ZFYVE26: variants seen among roughly 807,000 people sequenced by gnomAD.
The protein encoded by ZFYVE26 is zinc finger FYVE-type containing 26, also known as zinc finger FYVE domain-containing protein 26.
ZFYVE26 carries 181 observed loss-of-function variants against 276.5 expected under a neutral mutation model. That is an observed-to-expected ratio of 0.65 (90% CI 0.58 to 0.74). The LOEUF (loss-of-function observed/expected upper bound fraction) is 0.74. ZFYVE26 is among the 30% of genes least tolerant of loss of function. The pLI is 0.00. For synonymous variants in ZFYVE26, 1,129 were observed against 1,203.1 expected (o/e 0.94, Z 1.27); for missense variants, 2,821 against 3,097.9 (o/e 0.91, Z 2.12).
rs561021524 is a variant in ZFYVE26 at position 67,746,855 on chromosome 14, G to A, written c.*1581C>T. 3 of 152,760 alleles carry A rather than the reference G, an allele frequency of 2.0e-5. No homozygotes were observed. In the East Asian group the frequency reaches 5.8e-4, roughly 29 times the overall value. 9.5% of individuals were successfully genotyped at this position (152,760 alleles called of 1,614,324 possible). A position where few individuals can be genotyped will look rare whatever the true frequency, so the allele number is the denominator to read the frequency against. Reference sequence around the variant, plus strand: ...AGGACATTTCCTGGGAGATGGATACGTTCTATGACTCAAGGAAGGAAAAGC... The same window carrying A: ...AGGACATTTCCTGGGAGATGGATACATTCTATGACTCAAGGAAGGAAAAGC... On this transcript the variant is annotated 3_prime_UTR_variant, in exon 42 of 42. Transcript: ENST00000347230.
At chr14:67,756,227 T>C (rs2038777083) in intron 35 of ZFYVE26, 82 bp from the exon 36 acceptor site, 7 of 1,404,312 alleles carry the variant, frequency 5.0e-6, no homozygotes, top group Non-Finnish European at 5.0e-6. Context: ...TTTCCTTCTA[T>C]TGATGAACCT....
intron 18 of ZFYVE26, 54 bp downstream of exon 18, chr14:67,785,804 T>C (rs1404792574): frequency 1.2e-6 from 2 of 1,612,042 alleles, no homozygotes; most frequent in Non-Finnish European, 1.7e-6. Context: ...TACTCTCAGC[T>C]GTTTCCTCTC....
At chr14:67,771,293 C>A (rs766037925) in intron 28 of ZFYVE26, among the ~76,000 whole-genome samples, 4 of 152,200 alleles carry the variant, frequency 2.6e-5, no homozygotes, top group East Asian at 1.9e-4. Context: ...CATGTTCCTG[C>A]AAAAGATATG....
At chr14:67,769,556 G>C (rs964525741) in intron 29 of ZFYVE26, 38 bp downstream of exon 29, 4 of 1,613,464 alleles carry the variant, frequency 2.5e-6, no homozygotes, top group Non-Finnish European at 2.5e-6. Flanking sequence ...AGGGTGCAGC[G>C]GTCAATAATA....
chr14:67,743,894 T>A (rs190253317), downstream of ZFYVE26, among the ~76,000 whole-genome samples: 157 of 151,906 alleles, frequency 1.0e-3, no homozygotes, highest in African/African-American at 3.6e-3. Flanking sequence ...AGGGAAGAGG[T>A]TTGACAATGG....
intron 9 of ZFYVE26, among the ~76,000 whole-genome samples, chr14:67,803,342 A>G (rs796546932): frequency 1.4e-4 from 22 of 152,220 alleles, no homozygotes; most frequent in African/African-American, 5.3e-4. Flanking sequence ...CGTTTCAGAC[A>G]AGTCTTCTTC....
intron 10 of ZFYVE26, chr14:67,798,855 C>G (rs1206547809): frequency 3.4e-6 from 3 of 869,932 alleles, no homozygotes; most frequent in Non-Finnish European, 5.2e-6. Flanking sequence ...GGTCCCGCCC[C>G]GAGGCCAACC....
At chr14:67,814,983 C>T (rs17104702) in intron 2 of ZFYVE26, among the ~76,000 whole-genome samples, 2,246 of 152,264 alleles carry the variant, frequency 0.015, 61 homozygotes, top group African/African-American at 0.05. Flanking sequence ...CCAGTGGTTA[C>T]TAGCATCACC....
Position 67,805,294 on chromosome 14 carries a change from A to G in ZFYVE26, c.1194T>C (p.Cys398=), listed in dbSNP as rs2140249749. The G allele has an allele frequency of 6.2e-7, 1 of 1,614,138 alleles. No individual in the cohort carries two copies. Among genetic ancestry groups the G allele is most frequent in the Non-Finnish European group, 8.5e-7 (1 of 1,179,998 alleles). The change falls in exon 8 of 42, where the codon TGT becomes TGC. Residue 398 remains cysteine, a synonymous_variant. Coordinates refer to ENST00000347230, the MANE Select transcript of ZFYVE26 (RefSeq NM_015346.4). ...CACAGGCATCCCTGAGGAGCTCATC[A>G]CAGCCTGGGCCCTATGTTGATATGG... ...QTLHRTQGPG[C]DELLRDACDG...
At chr14:67,737,199 G>A (rs569880462) in intron 13 of ZFYVE26, among the ~76,000 whole-genome samples, 105 of 151,022 alleles carry the variant, frequency 7.0e-4, no homozygotes, top group Middle Eastern at 6.8e-3. Flanking sequence ...AAAGTGCTGG[G>A]ATTACAAGCA....
At position 67,756,349 on chromosome 14, in the gene ZFYVE26, C is replaced by G. The variant is rs2038780379; in HGVS notation, c.6589-204G>C. On this transcript the variant is annotated intron_variant, in intron 35 of 41. Transcript: ENST00000347230. ...TCTCCTTCCTTTTACAGAGAAGCCC[C>G]TAGACAGGGTTATCTACCCTCACTG... 9.4e-6 allele frequency: 6 copies of G among 636,244 alleles called. No homozygotes were observed. The South Asian group carries it at 1.1e-4, about 12-fold the overall frequency. 39.4% of individuals were successfully genotyped at this position (636,244 alleles called of 1,614,324 possible). A position where few individuals can be genotyped will look rare whatever the true frequency, so the allele number is the denominator to read the frequency against.
At chr14:67,761,695 T>G in intron 34 of ZFYVE26, 111 bp from the exon 35 acceptor site, 5 of 872,572 alleles carry the variant, frequency 5.7e-6, no homozygotes. Flanking sequence ...ACATGGCACA[T>G]GTATACATAT....
chr14:67,802,078 C>T lies in ZFYVE26; in HGVS notation c.1639+1G>A. ...CTCACGGATGGAGGGAAGTGCTGTA[C>T]CTGGGGAGGAGAGAGAGTCATTCGC... On this transcript the variant is annotated splice_donor_variant, in intron 10 of 41. Transcript: ENST00000347230. LOFTEE classifies it high-confidence loss of function. The T allele has an allele frequency of 6.2e-7, 1 of 1,612,682 alleles. No homozygotes were observed. Among genetic ancestry groups the T allele is most frequent in the Non-Finnish European group, 8.5e-7 (1 of 1,180,002 alleles).
intron 19 of ZFYVE26, 148 bp downstream of exon 19, chr14:67,784,911 A>C: frequency 1.2e-6 from 1 of 842,478 alleles, no homozygotes; most frequent in Non-Finnish European, 2.0e-6. Context: ...TAAAATAGCC[A>C]GAGATGAATA....
Position 67,807,479 on chromosome 14 carries a change from G to C in ZFYVE26, c.805C>G (p.Arg269Gly). ...LLSCLLHKAS[R>G]GLLSLYGHTY... ...TGGCCATACAGGGACAGCAGGCCCC[G>C]GCTGGCCTTGTGCAGCAGGCAGCTG... The change falls in exon 5 of 42, where the codon CGG becomes GGG. Residue 269 changes from arginine (R) to glycine (G), a missense_variant. Physicochemically the swap from Arg to Gly is moderately radical, Grantham distance 125. Transcript: ENST00000347230. 2.5e-6 allele frequency: 4 copies of C among 1,614,116 alleles called. No individual in the cohort carries two copies. In the South Asian group the frequency reaches 4.4e-5, roughly 18 times the overall value.
At position 67,783,218 on chromosome 14, in the gene ZFYVE26, A is replaced by G; in HGVS notation, c.3934T>C (p.Ser1312Pro). The change falls in exon 21 of 42, where the codon TCA (serine) becomes CCA (proline). Residue 1312 changes from serine to proline, a missense_variant. Ser to Pro is a moderately conservative substitution (Grantham distance 74). Transcript: ENST00000347230. ...CAGGCCACCGTAGCTAGGAGCTTTGAGCGTGACTTAAGAAAGGCCAAGGCA... is the reference window on the plus strand; with the variant it reads ...CAGGCCACCGTAGCTAGGAGCTTTGGGCGTGACTTAAGAAAGGCCAAGGCA... ...SSALAFLKSRSKLLATVACLG... is the reference protein window; with the variant it reads ...SSALAFLKSRPKLLATVACLG... 6.2e-7 allele frequency: 1 copy of G among 1,613,670 alleles called. No individual in the cohort carries two copies. The highest frequency in any genetic ancestry group is 8.5e-7 in the Non-Finnish European group (1 of 1,179,666).
intron 13 of ZFYVE26, among the ~76,000 whole-genome samples, chr14:67,737,658 T>C (rs1325803007): frequency 6.6e-6 from 1 of 152,194 alleles, no homozygotes; most frequent in East Asian, 1.9e-4. Context: ...GCTGCAGATG[T>C]ATATGTATAT....
At chr14:67,767,600 T>A in intron 31 of ZFYVE26, 104 bp downstream of exon 31, 1 of 1,489,180 alleles carries the variant, frequency 6.7e-7, no homozygotes, top group Non-Finnish European at 9.3e-7. Flanking sequence ...TATTGCACTA[T>A]AAACAAGTAA....
intron 33 of ZFYVE26, 88 bp from the exon 34 acceptor site, chr14:67,762,500 C>G: frequency 6.5e-7 from 1 of 1,531,214 alleles, no homozygotes; most frequent in Non-Finnish European, 8.9e-7. Context: ...AAGTTGCCAA[C>G]CACCTCATTC....
Sources: gnomAD v4.1 joint callset for allele counts (sites outside exome capture counted in the v4.1 genomes callset) on GRCh38, gnomAD v4.1.1 for gene constraint, MANE v1.5 for transcripts, NCBI Gene and HGNC (gene_info 2026-07-23, HGNC 2026-07-21) for gene names.